AUTS2: variants seen among roughly 807,000 people sequenced by gnomAD.
AUTS2 encodes autism susceptibility gene 2 protein.
AUTS2 carries 17 observed loss-of-function variants against 112.4 expected under a neutral mutation model. That is an observed-to-expected ratio of 0.15 (90% CI 0.10 to 0.23). AUTS2 has a LOEUF of 0.23. AUTS2 is among the 10% of genes least tolerant of loss of function. The pLI, the probability that AUTS2 is intolerant of heterozygous loss-of-function variation, is 1.00. For synonymous variants in AUTS2, 751 were observed against 702.7 expected, an observed-to-expected ratio of 1.07 and a Z score of -1.09; for missense variants, 1,510 against 1,701.6, an observed-to-expected ratio of 0.89 and a Z score of 1.98.
chr7:70,534,128 C>T (rs918678515), intron 5 of AUTS2, among the ~76,000 whole-genome samples: 2 of 152,198 alleles, frequency 1.3e-5, no homozygotes, highest in African/African-American at 4.8e-5. Context: ...GCCTCCACAT[C>T]GGCAGGCTTC....
intron 1 of AUTS2, among the ~76,000 whole-genome samples, chr7:69,759,447 C>T (rs952613030): frequency 2.0e-5 from 3 of 151,894 alleles, no homozygotes; most frequent in African/African-American, 7.3e-5. Context: ...TCATGTGAGT[C>T]CAGTGTAGAA....
intron 5 of AUTS2, among the ~76,000 whole-genome samples, chr7:70,525,606 G>A (rs761987522): frequency 3.3e-5 from 5 of 152,210 alleles, no homozygotes; most frequent in Non-Finnish European, 7.3e-5. Context: ...GACGGGTTAT[G>A]ACTGAGCAAC....
intron 2 of AUTS2, among the ~76,000 whole-genome samples, chr7:69,958,300 C>G (rs1456885501): frequency 6.6e-6 from 1 of 152,126 alleles, no homozygotes; most frequent in East Asian, 1.9e-4. Flanking sequence ...ATGACAGAGA[C>G]TGTATGGCCT....
intron 4 of AUTS2, among the ~76,000 whole-genome samples, chr7:70,331,934 A>G (rs755550217): frequency 7.9e-5 from 12 of 152,194 alleles, no homozygotes; most frequent in Non-Finnish European, 1.5e-4. Context: ...CACCACTCCT[A>G]TTCCACACAG....
intron 2 of AUTS2, among the ~76,000 whole-genome samples, chr7:69,996,946 T>TTAAAAAAAAAAA (rs1798970434): frequency 1.0e-5 from 1 of 99,034 alleles, no homozygotes; most frequent in Non-Finnish European, 2.0e-5. Flanking sequence ...CTGGAACACT[T>TTAAAAAAAAAAA]AAAAAAAAAA....
chr7:69,764,678 A>G (rs1048616929), intron 1 of AUTS2, among the ~76,000 whole-genome samples: 1 of 152,228 alleles, frequency 6.6e-6, no homozygotes, highest in Non-Finnish European at 1.5e-5. Context: ...AGAAAAATGC[A>G]AAACTTGTAT....
At chr7:70,332,606 A>G (rs1475925136) in intron 4 of AUTS2, among the ~76,000 whole-genome samples, 1 of 152,234 alleles carries the variant, frequency 6.6e-6, no homozygotes, top group Non-Finnish European at 1.5e-5. Context: ...TACTGGTACC[A>G]AAACGTAGAT....
intron 1 of AUTS2, among the ~76,000 whole-genome samples, chr7:69,778,781 A>G (rs1789010260): frequency 6.6e-6 from 1 of 152,160 alleles, no homozygotes; most frequent in Admixed American, 6.5e-5. Flanking sequence ...AGCGTGAGCT[A>G]ATGAGTGGGA....
At chr7:70,012,531 C>A (rs1307282955) in intron 2 of AUTS2, among the ~76,000 whole-genome samples, 1 of 152,154 alleles carries the variant, frequency 6.6e-6, no homozygotes, top group African/African-American at 2.4e-5. Context: ...CTTCTTCCAG[C>A]CTTTTCCTTT....
At chr7:69,931,461 T>A (rs1796225281) in intron 2 of AUTS2, among the ~76,000 whole-genome samples, 1 of 152,226 alleles carries the variant, frequency 6.6e-6, no homozygotes, top group Non-Finnish European at 1.5e-5. Context: ...CTTTATTGCT[T>A]AGAATTACTA....
chr7:69,828,549 T>C (rs1791358070), intron 1 of AUTS2, among the ~76,000 whole-genome samples: 1 of 152,220 alleles, frequency 6.6e-6, no homozygotes, highest in Non-Finnish European at 1.5e-5. Context: ...GTTTTAACTA[T>C]TTTGGCTGGA....
chr7:70,764,531 T>A (rs1317733175), intron 7 of AUTS2, among the ~76,000 whole-genome samples: 1 of 151,922 alleles, frequency 6.6e-6, no homozygotes, highest in African/African-American at 2.4e-5. Context: ...CCCACAGCCC[T>A]GAAGCAGCAG....
At chr7:69,778,785 A>G (rs1342538054) in intron 1 of AUTS2, among the ~76,000 whole-genome samples, 1 of 152,112 alleles carries the variant, frequency 6.6e-6, no homozygotes, top group Non-Finnish European at 1.5e-5. Context: ...TGAGCTAATG[A>G]GTGGGACTGA....
intron 1 of AUTS2, among the ~76,000 whole-genome samples, chr7:69,691,021 C>A (rs1584079446): frequency 6.6e-6 from 1 of 152,182 alleles, no homozygotes; most frequent in African/African-American, 2.4e-5. Context: ...TAAGTGCTTT[C>A]CATAGTCAGG....
At chr7:70,324,388 A>G (rs6953344) in intron 4 of AUTS2, among the ~76,000 whole-genome samples, 51,769 of 152,050 alleles carry the variant, frequency 0.34, 10,129 homozygotes, top group African/African-American at 0.54. Flanking sequence ...AAAAATTGCC[A>G]AGGCAGAAGG....
chr7:70,062,053 G>A (rs1000201862), intron 2 of AUTS2, among the ~76,000 whole-genome samples: 16 of 151,926 alleles, frequency 1.1e-4, no homozygotes, highest in African/African-American at 3.1e-4. Flanking sequence ...CTCCCAAAGC[G>A]CTGGGATTAC....
chr7:70,587,658 C>T (rs1301353592), intron 5 of AUTS2, among the ~76,000 whole-genome samples: 2 of 152,240 alleles, frequency 1.3e-5, no homozygotes, highest in East Asian at 3.9e-4. Flanking sequence ...ACATGACTTT[C>T]TGTCTTCCAT....
intron 5 of AUTS2, among the ~76,000 whole-genome samples, chr7:70,511,556 A>ATTTTT (rs1799189711): frequency 2.4e-5 from 1 of 41,766 alleles, no homozygotes; most frequent in African/African-American, 9.9e-5. Flanking sequence ...ACTTTTTTTC[A>ATTTTT]TTTTCTTTTT....
chr7:70,367,481 A>G (rs899600767), intron 4 of AUTS2, among the ~76,000 whole-genome samples: 4 of 151,630 alleles, frequency 2.6e-5, no homozygotes, highest in Non-Finnish European at 4.4e-5. Context: ...GCGTGAACCC[A>G]TGAGGCGGAG....
Sources: allele counts gnomAD v4.1 joint callset (sites outside exome capture counted in the v4.1 genomes callset), GRCh38; gene constraint gnomAD v4.1.1; transcripts MANE v1.5; gene names NCBI Gene and HGNC (gene_info 2026-07-23, HGNC 2026-07-21).